The following RPRD1B variants were observed in gnomAD, a reference collection of about 807,000 sequenced individuals.
The protein encoded by RPRD1B is regulation of nuclear pre-mRNA domain-containing protein 1B.
A neutral mutation model predicts 41.5 loss-of-function variants in RPRD1B; 11 were observed. The ratio of observed to expected loss-of-function variants is 0.27; its 90% CI spans 0.17 to 0.44. The LOEUF (loss-of-function observed/expected upper bound fraction) is 0.44. Among genes scored for constraint, RPRD1B ranks in the 20% least tolerant of loss-of-function variants. The pLI is 1.00. For synonymous variants in RPRD1B, 158 were observed against 155.6 expected, an observed-to-expected ratio of 1.02 and a Z score of -0.12; for missense variants, 248 against 389.9, an observed-to-expected ratio of 0.64 and a Z score of 3.06.
At chr20:38,046,086 A>C (rs1479942031) in intron 2 of RPRD1B, among the ~76,000 whole-genome samples, 1 of 152,206 alleles carries the variant, frequency 6.6e-6, no homozygotes, top group Middle Eastern at 3.2e-3. Flanking sequence ...GAAGGAGAAG[A>C]GATAGCATGA....
intron 6 of RPRD1B, chr20:38,070,568 G>A (rs947699719): frequency 1.0e-6 from 1 of 985,456 alleles, no homozygotes; most frequent in Non-Finnish European, 1.2e-6. Flanking sequence ...GCGTGAGTGG[G>A]TTGGATAGGG....
At chr20:38,083,365 A>G (rs1306826215) in intron 6 of RPRD1B, among the ~76,000 whole-genome samples, 9 of 152,230 alleles carry the variant, frequency 5.9e-5, no homozygotes, top group Non-Finnish European at 1.2e-4. Context: ...GCATCTGTTA[A>G]ATTGAAAATA....
At chr20:38,072,267 A>T (rs2074420325) in intron 6 of RPRD1B, among the ~76,000 whole-genome samples, 1 of 152,156 alleles carries the variant, frequency 6.6e-6, no homozygotes, top group Admixed American at 6.5e-5. Context: ...CCATTTGTTG[A>T]AGAGACTACT....
intron 5 of RPRD1B, among the ~76,000 whole-genome samples, chr20:38,063,810 C>T (rs924852370): frequency 6.6e-6 from 1 of 152,176 alleles, no homozygotes; most frequent in Non-Finnish European, 1.5e-5. Context: ...GTGAGGACAG[C>T]GTGGGTAGGT....
chr20:38,055,845 A>G lies in RPRD1B; in HGVS notation c.416-1687A>G, dbSNP rs117119805. On this transcript the variant is annotated intron_variant, in intron 3 of 6. Coordinates refer to ENST00000373433, the MANE Select transcript of RPRD1B (RefSeq NM_021215.4). ...TGACCAATCACTGATTGACTTCAAG[A>G]ATGATGTGATTGGTCCCTGATCATG... Among the ~76,000 whole-genome samples, 6 of 152,296 alleles carry G rather than the reference A, an allele frequency of 3.9e-5. No individual in the cohort carries two copies. The East Asian group carries it at 9.6e-4, about 24-fold the overall frequency.
rs1316167411 is a variant in RPRD1B, at chr20:38,033,829, TCTGTCAGTCGGTAAAAAGTCCCGCAGC to T, written c.-111_-85del. ...CTCCCCCTTCTCGCACCCCTGGCAG[TCTGTCAGTCGGTAAAAAGTCCCGCAGC>T]CTGTCAGGTGAGGCCCCGGCCTCGT... On this transcript the variant is annotated 5_prime_UTR_variant, in exon 1 of 7. Coordinates refer to ENST00000373433, the MANE Select transcript of RPRD1B (RefSeq NM_021215.4). The T allele has an allele frequency of 9.8e-7, 1 of 1,016,152 alleles. No individual in the cohort carries two copies. Among genetic ancestry groups the T allele is most frequent in the Non-Finnish European group, 1.4e-6 (1 of 715,124 alleles). 62.9% of individuals were successfully genotyped at this position (1,016,152 alleles called of 1,614,324 possible).
intron 6 of RPRD1B, among the ~76,000 whole-genome samples, chr20:38,085,080 G>A (rs1046892637): frequency 2.0e-5 from 3 of 152,154 alleles, no homozygotes; most frequent in African/African-American, 7.2e-5. Flanking sequence ...TAAATAATGC[G>A]TGCGCTGGAG....
intron 6 of RPRD1B, among the ~76,000 whole-genome samples, chr20:38,086,769 C>T (rs2074564964): frequency 6.6e-6 from 1 of 152,326 alleles, no homozygotes; most frequent in Non-Finnish European, 1.5e-5. Context: ...GCATCAAGAG[C>T]TCTGGGCAGG....
rs117367068 is a variant in RPRD1B, at chr20:38,085,354, C to T, written c.832-4372C>T. 5.6e-3 allele frequency: 851 copies of T among 152,238 alleles called. 5 individuals carry two copies. Among genetic ancestry groups the T allele is most frequent in the Middle Eastern group, 0.017 (5 of 298 alleles). The allele number at this position is 152,238 out of a possible 1,614,324, so 9.4% of individuals were successfully genotyped here. A position where few individuals can be genotyped will look rare whatever the true frequency, so the allele number is the denominator to read the frequency against. On this transcript the variant is annotated intron_variant, in intron 6 of 6. Transcript: ENST00000373433. ...GTGGGTGTTGGATGAAAGGTTTAGT[C>T]CTGTGTTACATACAGGACTAAAGTA... is the stretch of plus-strand genomic sequence containing the variant.
intron 2 of RPRD1B, among the ~76,000 whole-genome samples, chr20:38,045,637 A>C (rs2074113447): frequency 6.6e-6 from 1 of 152,168 alleles, no homozygotes; most frequent in Admixed American, 6.5e-5. Context: ...AACCAGTCTT[A>C]GCCTGAATGG....
chr20:38,048,043 C>G (rs1409392694), intron 2 of RPRD1B, among the ~76,000 whole-genome samples: 3 of 146,868 alleles, frequency 2.0e-5, no homozygotes, highest in African/African-American at 8.2e-5. Context: ...TAATTAACGT[C>G]TTCTTAAAAA....
rs2122780038 is a variant in RPRD1B, at chr20:38,090,053, G to C, written c.*178G>C. On this transcript the variant is annotated 3_prime_UTR_variant, in exon 7 of 7. Coordinates refer to ENST00000373433, the MANE Select transcript of RPRD1B (RefSeq NM_021215.4). ...AGCCTCTCATCTTGAGCACAGTTCA[G>C]AACAGTGGCGACTGGAATCTGGTTT... The C allele has an allele frequency of 7.4e-7, 1 of 1,350,234 alleles. No individual in the cohort carries two copies. The highest frequency in any genetic ancestry group is 2.6e-5 in the East Asian group (1 of 38,356). 83.6% of individuals were successfully genotyped at this position (1,350,234 alleles called of 1,614,324 possible). A position where few individuals can be genotyped will look rare whatever the true frequency, so the allele number is the denominator to read the frequency against.
chr20:38,035,014 C>T (rs2073984183), intron 1 of RPRD1B, among the ~76,000 whole-genome samples: 1 of 151,892 alleles, frequency 6.6e-6, no homozygotes, highest in Non-Finnish European at 1.5e-5. Flanking sequence ...ACATACATTG[C>T]CATTAAAAAA....
At chr20:38,065,789 G>T (rs1257225086) in intron 5 of RPRD1B, 2 of 254,232 alleles carry the variant, frequency 7.9e-6, no homozygotes, top group Admixed American at 5.1e-5. Flanking sequence ...ATCTCTTTAT[G>T]CTTGTTTTGT....
At position 38,033,874 on chromosome 20, in the gene RPRD1B, G is replaced by A. The variant is rs993703020; in HGVS notation, c.-74G>A. On this transcript the variant is annotated 5_prime_UTR_variant, in exon 1 of 7. Coordinates refer to ENST00000373433, the MANE Select transcript of RPRD1B (RefSeq NM_021215.4). The stretch of plus-strand genomic sequence containing the variant: ...CCCGCAGCCTGTCAGGTGAGGCCCC[G>A]GCCTCGTGCCGTCGCTCTTCCCGCC... 2 of 1,452,068 alleles carry A rather than the reference G, an allele frequency of 1.4e-6. No individual in the cohort carries two copies. Among genetic ancestry groups the A allele is most frequent in the Non-Finnish European group, 1.8e-6 (2 of 1,081,376 alleles). 89.9% of individuals were successfully genotyped at this position (1,452,068 alleles called of 1,614,324 possible).
chr20:38,056,252 A>G (rs748661958), intron 3 of RPRD1B, among the ~76,000 whole-genome samples: 11 of 152,044 alleles, frequency 7.2e-5, no homozygotes, highest in Non-Finnish European at 1.3e-4. Context: ...TTAGCCAGGC[A>G]TGGGGGCAAA....
intron 1 of RPRD1B, among the ~76,000 whole-genome samples, chr20:38,038,490 GTTTTTTTTT>G (rs150397040): frequency 2.6e-5 from 2 of 76,762 alleles, no homozygotes; most frequent in Non-Finnish European, 5.1e-5. Flanking sequence ...TTTTTGTTTT[GTTTTTTTTT>G]TTTTTTTTTT....
rs185748812 is a variant in RPRD1B, at chr20:38,058,257, G to A, written c.528+613G>A. 2.0e-3 allele frequency among the ~76,000 whole-genome samples: 306 copies of A among 151,198 alleles called. 3 individuals carry two copies. The highest frequency in any genetic ancestry group is 0.015 in the South Asian group (70 of 4,734). ...CCCATGCTCTTTTCAAGGCGGGGGC[G>A]GGGGGGGCTTCATCTTATTTTGCCT... On this transcript the variant is annotated intron_variant, in intron 4 of 6. Transcript: ENST00000373433.
At chr20:38,065,926 C>A in intron 5 of RPRD1B, 155 bp from the exon 6 acceptor site, 1 of 666,408 alleles carries the variant, frequency 1.5e-6, no homozygotes, top group Non-Finnish European at 2.5e-6. Context: ...CTTTGGATTT[C>A]TTGCTTAATC....
Sources: allele counts gnomAD v4.1 joint callset (sites outside exome capture counted in the v4.1 genomes callset), GRCh38; gene constraint gnomAD v4.1.1; transcripts MANE v1.5; gene names NCBI Gene and HGNC (gene_info 2026-07-23, HGNC 2026-07-21).